The following AOAH variants were observed in gnomAD, a reference collection of about 807,000 sequenced individuals.
AOAH encodes the protein acyloxyacyl hydrolase.
Under a neutral mutation model 92.2 loss-of-function variants are expected in AOAH, and 64 were observed. That is an observed-to-expected ratio of 0.69 (90% CI 0.57 to 0.86). The LOEUF is 0.86. Ranked by LOEUF, AOAH falls within the 40% of genes least tolerant of loss-of-function variation. The pLI, the probability that AOAH is intolerant of heterozygous loss-of-function variation, is 0.00. For synonymous variants in AOAH, 263 were observed against 254.5 expected, an observed-to-expected ratio of 1.03 and a Z score of -0.32; for missense variants, 656 against 694.6, an observed-to-expected ratio of 0.94 and a Z score of 0.62.
chr7:36,531,141 T>C (rs1784666486), intron 18 of AOAH, among the ~76,000 whole-genome samples: 1 of 152,192 alleles, frequency 6.6e-6, no homozygotes, highest in East Asian at 1.9e-4. Flanking sequence ...TAAAAGAGTA[T>C]GTGCATTCTC....
intron 4 of AOAH, among the ~76,000 whole-genome samples, chr7:36,641,736 G>T (rs147666383): frequency 6.6e-5 from 10 of 152,232 alleles, no homozygotes; most frequent in African/African-American, 1.9e-4. Flanking sequence ...GCTCTAGGTA[G>T]GTGAGGACGG....
At chr7:36,569,496 T>TCTATCTATCTAC (rs1554288998) in intron 13 of AOAH, among the ~76,000 whole-genome samples, 7 of 151,762 alleles carry the variant, frequency 4.6e-5, no homozygotes, top group African/African-American at 1.7e-4. Flanking sequence ...TATCTATCTA[T>TCTATCTATCTAC]CTATCTATCT....
At chr7:36,523,638 T>TTTTTTG (rs1784232349) in intron 19 of AOAH, among the ~76,000 whole-genome samples, 1 of 141,086 alleles carries the variant, frequency 7.1e-6, no homozygotes, top group Admixed American at 7.1e-5. Context: ...TGTTTTTTTT[T>TTTTTTG]TTTTTTTTTT....
chr7:36,638,420 T>C (rs1793672024), intron 4 of AOAH, among the ~76,000 whole-genome samples: 1 of 152,222 alleles, frequency 6.6e-6, no homozygotes, highest in Non-Finnish European at 1.5e-5. Context: ...TCACCTCCTC[T>C]TCCCCTGGTT....
chr7:36,557,898 C>G (rs973794047), intron 13 of AOAH, among the ~76,000 whole-genome samples: 2 of 151,722 alleles, frequency 1.3e-5, no homozygotes, highest in African/African-American at 4.8e-5. Flanking sequence ...AAATTTTTTT[C>G]AAAGTTTTCA....
chr7:36,719,292 G>A (rs1248757475), intron 1 of AOAH, among the ~76,000 whole-genome samples: 2 of 152,196 alleles, frequency 1.3e-5, no homozygotes, highest in African/African-American at 4.8e-5. Context: ...TGGCTGTAGT[G>A]ACTTTCTCCA....
intron 13 of AOAH, among the ~76,000 whole-genome samples, chr7:36,566,825 C>T (rs115860988): frequency 3.1e-4 from 47 of 152,276 alleles, no homozygotes; most frequent in African/African-American, 1.0e-3. Context: ...GAACACACTG[C>T]GCAGAGCCCC....
At chr7:36,560,497 G>A (rs1007495353) in intron 13 of AOAH, among the ~76,000 whole-genome samples, 2 of 152,122 alleles carry the variant, frequency 1.3e-5, no homozygotes, top group African/African-American at 2.4e-5. Context: ...TTGGGATATT[G>A]TAAATGGGAT....
chr7:36,562,655 A>G (rs1198135754), intron 13 of AOAH, among the ~76,000 whole-genome samples: 3 of 152,164 alleles, frequency 2.0e-5, no homozygotes, highest in Non-Finnish European at 4.4e-5. Flanking sequence ...TTATCCCTCC[A>G]TAAATGCATA....
intron 5 of AOAH, among the ~76,000 whole-genome samples, chr7:36,634,095 G>A (rs183489608): frequency 6.6e-6 from 1 of 152,266 alleles, no homozygotes; most frequent in East Asian, 1.9e-4. Flanking sequence ...GGTTAGAAGG[G>A]TGACTCCAGA....
intron 19 of AOAH, among the ~76,000 whole-genome samples, chr7:36,529,335 G>T (rs970503608): frequency 2.0e-5 from 3 of 152,040 alleles, no homozygotes; most frequent in Non-Finnish European, 4.4e-5. Context: ...TGGTGCATTT[G>T]TTTACACCAG....
At chr7:36,588,775 C>T (rs1424291430) in intron 12 of AOAH, among the ~76,000 whole-genome samples, 1 of 152,150 alleles carries the variant, frequency 6.6e-6, no homozygotes, top group African/African-American at 2.4e-5. Context: ...ACACCTCTCA[C>T]TAAAGGTGTG....
chr7:36,552,024 T>G (rs1786297904), intron 13 of AOAH, among the ~76,000 whole-genome samples: 1 of 152,184 alleles, frequency 6.6e-6, no homozygotes, highest in Non-Finnish European at 1.5e-5. Context: ...GTACTGAGCA[T>G]AGCAGACCCA....
chr7:36,662,511 T>G (rs1333682722), intron 3 of AOAH, among the ~76,000 whole-genome samples: 1 of 152,244 alleles, frequency 6.6e-6, no homozygotes, highest in Admixed American at 6.5e-5. Flanking sequence ...GGTGGCTGTT[T>G]TCACACATCT....
intron 3 of AOAH, among the ~76,000 whole-genome samples, chr7:36,662,836 C>T (rs1233863219): frequency 6.6e-6 from 1 of 152,166 alleles, no homozygotes; most frequent in East Asian, 1.9e-4. Context: ...GGGAACTGGA[C>T]ATGTGGTGTC....
chr7:36,532,224 CTT>C lies in AOAH; in HGVS notation c.1366-20_1366-19del, dbSNP rs1021823403. ...GGGCTGACCTGAGAGCGGGAAAACA[CTT>C]TTGATTACAGAGGATCAGGGTAGGT... On this transcript the variant is annotated intron_variant, in intron 17 of 20. Transcript: ENST00000617537. 1.4e-5 allele frequency: 22 copies of C among 1,614,070 alleles called. No homozygotes were observed. Among genetic ancestry groups the C allele is most frequent in the Non-Finnish European group, 1.8e-5 (21 of 1,180,028 alleles).
At chr7:36,678,600 T>TGTGCGCGC (rs549317369) in intron 2 of AOAH, among the ~76,000 whole-genome samples, 24 of 131,098 alleles carry the variant, frequency 1.8e-4, no homozygotes, top group South Asian at 5.6e-4. Flanking sequence ...TGTGTGTGTG[T>TGTGCGCGC]GCGCGCGCGC....
At chr7:36,609,733 C>G (rs2718183) in intron 11 of AOAH, among the ~76,000 whole-genome samples, 103,272 of 151,850 alleles carry the variant, frequency 0.68, 35,346 homozygotes, top group African/African-American at 0.77. Context: ...ACTGCTACTT[C>G]TTCGTCCGCA....
At chr7:36,699,420 CCAA>C (rs1439751712) in intron 1 of AOAH, among the ~76,000 whole-genome samples, 3 of 152,078 alleles carry the variant, frequency 2.0e-5, no homozygotes, top group Admixed American at 1.3e-4. Flanking sequence ...TACATTCCCA[CCAA>C]CAAGGATTCC....
Sources: gnomAD v4.1 joint callset for allele counts (sites outside exome capture counted in the v4.1 genomes callset) on GRCh38, gnomAD v4.1.1 for gene constraint, MANE v1.5 for transcripts, NCBI Gene and HGNC (gene_info 2026-07-23, HGNC 2026-07-21) for gene names.